Variants in GPATCH2 observed in about 807,000 individuals in gnomAD.
GPATCH2 encodes G-patch domain containing 2, also known as G patch domain-containing protein 2.
GPATCH2 carries 51 observed loss-of-function variants against 58.0 expected under a neutral mutation model. The observed-to-expected ratio is 0.88, with a 90% CI of 0.70 to 1.11. GPATCH2 has a LOEUF of 1.11. Among genes scored for constraint, GPATCH2 ranks in the 50% most tolerant of loss-of-function variants. The probability of loss-of-function intolerance (pLI) is 0.00; values close to 1 mark genes in which losing one functional copy is unlikely to be tolerated. For missense variants in GPATCH2, 625 were observed against 652.2 expected (o/e 0.96, Z 0.45); for synonymous variants, 222 against 218.5 (o/e 1.02, Z -0.14).
intron 8 of GPATCH2, among the ~76,000 whole-genome samples, chr1:217,456,408 G>T (rs1170752717): frequency 6.6e-6 from 1 of 152,116 alleles, no homozygotes; most frequent in East Asian, 1.9e-4. Context: ...CTCCTGCGAG[G>T]GGTGACAGGG....
chr1:217,433,382 A>ATATATT (rs1487866337), intron 9 of GPATCH2, among the ~76,000 whole-genome samples: 16 of 78,690 alleles, frequency 2.0e-4, no homozygotes, highest in Middle Eastern at 8.1e-3. Flanking sequence ...ATATATATAT[A>ATATATT]TATTTATTTA....
In GPATCH2 at chr1:217,427,617, T is replaced by A. The variant is rs1364405221; in HGVS notation, c.*3528A>T. 1 of 152,128 alleles carries A rather than the reference T, an allele frequency of 6.6e-6. No individual in the cohort carries two copies. Among genetic ancestry groups the A allele is most frequent in the Non-Finnish European group, 1.5e-5 (1 of 67,992 alleles). 9.4% of individuals were successfully genotyped at this position (152,128 alleles called of 1,614,324 possible). ...CAAAAGAAAAAATAAAAAAAAATAT[T>A]CTTTGCTAACAATTTCTTTACAATG... On this transcript the variant is annotated 3_prime_UTR_variant, in exon 10 of 10. Coordinates refer to ENST00000366935, the MANE Select transcript of GPATCH2 (RefSeq NM_018040.5).
chr1:217,610,805 C>A, intron 4 of GPATCH2, 84 bp downstream of exon 4: 1 of 925,482 alleles, frequency 1.1e-6, no homozygotes, highest in Non-Finnish European at 1.6e-6. Context: ...TCTCTAATTT[C>A]CACTTTATCT....
At chr1:217,529,386 C>T (rs1266649091) in intron 5 of GPATCH2, among the ~76,000 whole-genome samples, 1 of 152,118 alleles carries the variant, frequency 6.6e-6, no homozygotes, top group Non-Finnish European at 1.5e-5. Context: ...GTTCCCTCTG[C>T]ATGGTAGTGA....
chr1:217,623,046 T>C (rs1004126341), intron 1 of GPATCH2, among the ~76,000 whole-genome samples: 3 of 152,196 alleles, frequency 2.0e-5, no homozygotes, highest in Non-Finnish European at 4.4e-5. Context: ...CATTATTTAA[T>C]TAAAAGAAAT....
chr1:217,471,535 A>T (rs1334757176), intron 8 of GPATCH2, among the ~76,000 whole-genome samples: 1 of 152,202 alleles, frequency 6.6e-6, no homozygotes, highest in Non-Finnish European at 1.5e-5. Context: ...TGGTCAAATA[A>T]AGAGCAGCTG....
At chr1:217,452,529 T>C (rs539783052) in intron 8 of GPATCH2, among the ~76,000 whole-genome samples, 2 of 152,326 alleles carry the variant, frequency 1.3e-5, no homozygotes, top group African/African-American at 4.8e-5. Context: ...AATTGGAGTA[T>C]TCTAATTGCT....
intron 5 of GPATCH2, among the ~76,000 whole-genome samples, chr1:217,579,369 A>G (rs1666951359): frequency 7.0e-6 from 1 of 142,728 alleles, no homozygotes; most frequent in Non-Finnish European, 1.6e-5. Context: ...CCAAACACAG[A>G]CAAGAAAAAA....
chr1:217,522,350 C>T (rs1663510657), intron 5 of GPATCH2, among the ~76,000 whole-genome samples: 1 of 152,092 alleles, frequency 6.6e-6, no homozygotes, highest in Non-Finnish European at 1.5e-5. Context: ...TTTTTTCATA[C>T]CACTCCATGG....
chr1:217,580,038 C>T (rs1666989883), intron 5 of GPATCH2, among the ~76,000 whole-genome samples: 4 of 152,036 alleles, frequency 2.6e-5, no homozygotes, highest in Admixed American at 2.6e-4. Flanking sequence ...ATAATTTTTG[C>T]TACAATAATT....
chr1:217,591,021 A>G (rs1216149495), intron 5 of GPATCH2, among the ~76,000 whole-genome samples: 1 of 152,192 alleles, frequency 6.6e-6, no homozygotes, highest in Non-Finnish European at 1.5e-5. Context: ...TTTATATTTT[A>G]TTTTGTAAAT....
chr1:217,463,641 CAAAAAAAAAAAAAAAAA>C (rs201402598), intron 8 of GPATCH2, among the ~76,000 whole-genome samples: 4 of 82,474 alleles, frequency 4.9e-5, no homozygotes, highest in South Asian at 4.0e-4. Context: ...CTTATCACTC[CAAAAAAAAAAAAAAAAA>C]AAAAAAAAAA....
intron 5 of GPATCH2, among the ~76,000 whole-genome samples, chr1:217,602,993 A>G (rs1668179186): frequency 6.6e-6 from 1 of 152,180 alleles, no homozygotes; most frequent in Admixed American, 6.6e-5. Flanking sequence ...TTGTCAAAGG[A>G]AGAACATGTA....
chr1:217,533,374 G>A (rs1048380231), intron 5 of GPATCH2, among the ~76,000 whole-genome samples: 1 of 152,152 alleles, frequency 6.6e-6, no homozygotes, highest in Non-Finnish European at 1.5e-5. Context: ...ACCTCCTGGA[G>A]ACTAGAAAAT....
intron 5 of GPATCH2, among the ~76,000 whole-genome samples, chr1:217,569,221 A>G (rs1666419146): frequency 6.6e-6 from 1 of 152,128 alleles, no homozygotes; most frequent in Non-Finnish European, 1.5e-5. Flanking sequence ...GTTTTTAATT[A>G]GTTAAGTAAT....
At chr1:217,602,672 A>C (rs1668162269) in intron 5 of GPATCH2, among the ~76,000 whole-genome samples, 2 of 152,166 alleles carry the variant, frequency 1.3e-5, no homozygotes, top group African/African-American at 2.4e-5. Context: ...GATCAGCAAA[A>C]AGGTACTATA....
At position 217,620,412 on chromosome 1, in the gene GPATCH2, A is replaced by G. The variant is rs758104161; in HGVS notation, c.144T>C (p.Ala48=). Residue 48 remains alanine, a synonymous_variant, in exon 2 of 10, where the codon GCT becomes GCC. Transcript: ENST00000366935. Reference sequence around the variant, plus strand: ...TACTTCGAGAATGGTCTCCTGTTTCAGCAAATCCACCTCGAGCTTGCTCTG... The same window carrying G: ...TACTTCGAGAATGGTCTCCTGTTTCGGCAAATCCACCTCGAGCTTGCTCTG... ...ESSEQARGGF[A]ETGDHSRSIS... is the part of the protein sequence containing the mutation. 1 of 1,613,956 alleles carries G rather than the reference A, an allele frequency of 6.2e-7. No individual in the cohort carries two copies. The highest frequency in any genetic ancestry group is 8.5e-7 in the Non-Finnish European group (1 of 1,179,996).
chr1:217,625,424 T>C (rs2102854357), intron 1 of GPATCH2, among the ~76,000 whole-genome samples: 1 of 152,278 alleles, frequency 6.6e-6, no homozygotes, highest in Non-Finnish European at 1.5e-5. Context: ...AAATGTCAGT[T>C]AGCAATATAT....
chr1:217,561,447 G>C (rs1262428728), intron 5 of GPATCH2, among the ~76,000 whole-genome samples: 1 of 152,206 alleles, frequency 6.6e-6, no homozygotes, highest in Non-Finnish European at 1.5e-5. Context: ...GCGAGAAGAT[G>C]TATGATGACG....
Sources: gnomAD v4.1 joint callset for allele counts (sites outside exome capture counted in the v4.1 genomes callset) on GRCh38, gnomAD v4.1.1 for gene constraint, MANE v1.5 for transcripts, NCBI Gene and HGNC (gene_info 2026-07-23, HGNC 2026-07-21) for gene names.